Variants in NUP155 observed in about 807,000 individuals in gnomAD.
NUP155 encodes the protein nucleoporin 155.
A neutral mutation model predicts 180.4 loss-of-function variants in NUP155; 71 were observed. The observed-to-expected ratio is 0.39, with a 90% CI of 0.33 to 0.48. NUP155 has a LOEUF of 0.48. Ranked by LOEUF, NUP155 falls within the 20% of genes least tolerant of loss-of-function variation. The pLI is 0.91. For missense variants in NUP155, 1,553 were observed against 1,648.9 expected (o/e 0.94, Z 1.01); for synonymous variants, 582 against 559.5 (o/e 1.04, Z -0.57).
At chr5:37,296,278 G>A (rs1490600098) in intron 32 of NUP155, among the ~76,000 whole-genome samples, 53 of 152,258 alleles carry the variant, frequency 3.5e-4, no homozygotes, top group Middle Eastern at 3.4e-3. Context: ...GATGGTTGCC[G>A]TGTCTGTATA....
intron 4 of NUP155, among the ~76,000 whole-genome samples, chr5:37,357,399 CAAAAAA>C (rs397997409): frequency 2.7e-3 from 84 of 31,306 alleles, no homozygotes; most frequent in African/African-American, 9.7e-3. Context: ...ACCTTAATCT[CAAAAAA>C]AAAAAAAAAA....
At chr5:37,315,836 G>C (rs1214793026) in intron 21 of NUP155, among the ~76,000 whole-genome samples, 2 of 152,146 alleles carry the variant, frequency 1.3e-5, no homozygotes, top group Non-Finnish European at 2.9e-5. Context: ...ACAGCTACTC[G>C]GGAGGCTGAG....
At position 37,349,231 on chromosome 5, in the gene NUP155, T is replaced by C. The variant is rs1243341567; in HGVS notation, c.844A>G (p.Ile282Val). The stretch of plus-strand genomic sequence containing the variant: ...ATATTTCTAGAATTATCAATTGCAA[T>C]TTGAAGAATAGGATCTAAAAGTAAG... ...TFSEDDPILQIAIDNSRNILY... is the reference protein window; with the variant it reads ...TFSEDDPILQVAIDNSRNILY... Residue 282 changes from isoleucine (I) to valine (V), a missense_variant, in exon 8 of 35, where the codon ATT (isoleucine) becomes GTT (valine). By Grantham distance (29) the Ile-to-Val change is conservative. Coordinates refer to ENST00000231498, the MANE Select transcript of NUP155 (RefSeq NM_153485.3). 1 of 843,902 alleles carries C rather than the reference T, an allele frequency of 1.2e-6. No homozygotes were observed. The highest frequency in any genetic ancestry group is 1.8e-6 in the Non-Finnish European group (1 of 549,428). The allele number at this position is 843,902 out of a possible 1,614,324, so 52.3% of individuals were successfully genotyped here. A position where few individuals can be genotyped will look rare whatever the true frequency, so the allele number is the denominator to read the frequency against.
intron 33 of NUP155, among the ~76,000 whole-genome samples, chr5:37,293,538 C>G (rs1250985179): frequency 6.6e-6 from 1 of 152,198 alleles, no homozygotes. Flanking sequence ...CTATAAAAGA[C>G]ACAATCTACT....
intron 16 of NUP155, among the ~76,000 whole-genome samples, 180 bp downstream of exon 16, chr5:37,329,010 T>G (rs1295062252): frequency 6.6e-6 from 1 of 152,210 alleles, no homozygotes; most frequent in Non-Finnish European, 1.5e-5. Flanking sequence ...TTTTGCTTCC[T>G]TACATTAAGG....
At chr5:37,303,505 C>T in intron 27 of NUP155, 91 bp from the exon 28 acceptor site, 1 of 1,088,132 alleles carries the variant, frequency 9.2e-7, no homozygotes, top group Non-Finnish European at 1.4e-6. Flanking sequence ...AAGTCAACTA[C>T]AACTTTGCCT....
intron 27 of NUP155, among the ~76,000 whole-genome samples, chr5:37,303,677 G>A (rs777949645): frequency 6.6e-6 from 1 of 152,168 alleles, no homozygotes; most frequent in Non-Finnish European, 1.5e-5. Context: ...TGGGCATGGC[G>A]ACTCATGTCT....
rs1431283543 is a variant in NUP155 at position 37,314,245 on chromosome 5, G to A, written c.2389C>T (p.Leu797Phe). ...KSYQALALWK[L>F]LCEHQFTIIV... ...ATAGTGAATTGATGTTCACAAAGAA[G>A]TTTCCATAAAGCCAGAGCCTGATAT... The change falls in exon 22 of 35, where the codon CTT becomes TTT. Residue 797 changes from leucine (L) to phenylalanine (F), a missense_variant. Coordinates refer to ENST00000231498, the MANE Select transcript of NUP155 (RefSeq NM_153485.3). 6.2e-7 allele frequency: 1 copy of A among 1,610,700 alleles called. No homozygotes were observed. Among genetic ancestry groups the A allele is most frequent in the Non-Finnish European group, 8.5e-7 (1 of 1,177,398 alleles).
intron 32 of NUP155, among the ~76,000 whole-genome samples, chr5:37,295,819 C>G (rs1742513551): frequency 6.6e-6 from 1 of 151,458 alleles, no homozygotes; most frequent in Non-Finnish European, 1.5e-5. Context: ...AGCAGCCGCC[C>G]CGTCTGAGAA....
intron 4 of NUP155, 48 bp from the exon 5 acceptor site, chr5:37,352,877 C>T (rs1746560195): frequency 7.8e-7 from 1 of 1,288,544 alleles, no homozygotes; most frequent in Non-Finnish European, 1.1e-6. Flanking sequence ...CATTTAAGCA[C>T]TAACAGAGTA....
At chr5:37,359,696 T>C (rs567774846) in intron 3 of NUP155, among the ~76,000 whole-genome samples, 36 of 152,208 alleles carry the variant, frequency 2.4e-4, no homozygotes, top group Non-Finnish European at 4.0e-4. Flanking sequence ...TAAGAAATCA[T>C]GAGACACAAA....
rs1317146244 is a variant in NUP155 at position 37,370,827 on chromosome 5, C to T, written c.151G>A (p.Ala51Thr). The T allele has an allele frequency of 1.6e-5, 26 of 1,614,074 alleles. No homozygotes were observed. The highest frequency in any genetic ancestry group is 2.2e-5 in the Non-Finnish European group (26 of 1,180,044). The change falls in exon 1 of 35, where the codon GCC (alanine) becomes ACC (threonine). Residue 51 changes from alanine to threonine, a missense_variant. Coordinates refer to ENST00000231498, the MANE Select transcript of NUP155 (RefSeq NM_153485.3). ...CAGGGTCACTATCACTCACTTGGGGCAGACACCATAAGCAGCTCGGAAAGG... is the reference window on the plus strand; with the variant it reads ...CAGGGTCACTATCACTCACTTGGGGTAGACACCATAAGCAGCTCGGAAAGG... ...PDLSELLMVSAPNNPTVSGMS... is the reference protein window; with the variant it reads ...PDLSELLMVSTPNNPTVSGMS...
At chr5:37,355,891 A>T (rs569182163) in intron 4 of NUP155, among the ~76,000 whole-genome samples, 224 of 151,858 alleles carry the variant, frequency 1.5e-3, no homozygotes, top group Middle Eastern at 6.8e-3. Context: ...AATATATTTT[A>T]AATTTAAATC....
chr5:37,344,368 A>G (rs1745938972), intron 9 of NUP155, among the ~76,000 whole-genome samples: 1 of 150,044 alleles, frequency 6.7e-6, no homozygotes, highest in Non-Finnish European at 1.5e-5. Flanking sequence ...AAAAGAAAGA[A>G]AATATACATA....
chr5:37,365,188 G>A (rs1462001081), intron 1 of NUP155, among the ~76,000 whole-genome samples: 1 of 151,842 alleles, frequency 6.6e-6, no homozygotes, highest in Admixed American at 6.6e-5. Context: ...GAACCCGGGA[G>A]GCGGAAGTTG....
intron 32 of NUP155, 48 bp downstream of exon 32, chr5:37,298,820 A>T (rs778506258): frequency 1.0e-6 from 1 of 968,274 alleles, no homozygotes; most frequent in Admixed American, 1.7e-5. Flanking sequence ...CAACGGAGAA[A>T]ACCATCAGAA....
In NUP155 at chr5:37,291,166, A is replaced by G. The variant is rs1742215357; in HGVS notation, c.*734T>C. The G allele has an allele frequency of 6.6e-6, 1 of 152,234 alleles. No homozygotes were observed. 9.4% of individuals were successfully genotyped at this position (152,234 alleles called of 1,614,324 possible). ...AACCCAACACCTAAAAAAAGTTTTG[A>G]AAAAGTCAGTTATTTGCCTATTTAA... On this transcript the variant is annotated 3_prime_UTR_variant, in exon 35 of 35. Coordinates refer to ENST00000231498, the MANE Select transcript of NUP155 (RefSeq NM_153485.3).
At chr5:37,329,317 C>G in intron 15 of NUP155, 39 bp from the exon 16 acceptor site, 1 of 1,495,176 alleles carries the variant, frequency 6.7e-7, no homozygotes, top group Non-Finnish European at 9.3e-7. Flanking sequence ...TTCAGTAAAA[C>G]AAACCATCCA....
chr5:37,297,931 T>C (rs1047989232), intron 32 of NUP155, among the ~76,000 whole-genome samples: 9 of 112,168 alleles, frequency 8.0e-5, no homozygotes, highest in African/African-American at 4.2e-4. Context: ...TGAATGCTCA[T>C]TTGAAAAAAA....
Sources: gnomAD v4.1 joint callset for allele counts (sites outside exome capture counted in the v4.1 genomes callset) on GRCh38, gnomAD v4.1.1 for gene constraint, MANE v1.5 for transcripts, NCBI Gene and HGNC (gene_info 2026-07-23, HGNC 2026-07-21) for gene names.